LMBR1: variants seen among roughly 807,000 people sequenced by gnomAD.
LMBR1 encodes limb development membrane protein 1.
In LMBR1, 52 loss-of-function variants were observed where a neutral mutation model predicts 73.9. The ratio of observed to expected loss-of-function variants is 0.70; its 90% CI spans 0.56 to 0.89. The LOEUF is 0.89. LMBR1 is among the 40% of genes least tolerant of loss of function. The pLI is 0.00. For synonymous variants in LMBR1, 215 were observed against 209.4 expected, an observed-to-expected ratio of 1.03 and a Z score of -0.23; for missense variants, 539 against 579.8, an observed-to-expected ratio of 0.93 and a Z score of 0.72.
At chr7:156,675,684 C>CCA (rs1563103819), downstream of LMBR1, 4 of 1,599,738 alleles carry the variant, frequency 2.5e-6, no homozygotes, top group Non-Finnish European at 1.7e-6. Context: ...CCCGCCCCCG[C>CCA]CTCCTCCTCA....
chr7:156,830,773 T>C (rs573660410), intron 3 of LMBR1, among the ~76,000 whole-genome samples: 3 of 152,340 alleles, frequency 2.0e-5, no homozygotes, highest in Non-Finnish European at 4.4e-5. Flanking sequence ...GGAGCTTTTG[T>C]TAAAGCCCAT....
intron 5 of LMBR1, among the ~76,000 whole-genome samples, chr7:156,782,161 A>C (rs1827245681): frequency 6.6e-6 from 1 of 152,172 alleles, no homozygotes; most frequent in African/African-American, 2.4e-5. Context: ...TTCCTTCTTT[A>C]GGGCTGAATA....
chr7:156,704,549 C>T (rs1810494018), intron 15 of LMBR1, among the ~76,000 whole-genome samples: 1 of 149,792 alleles, frequency 6.7e-6, no homozygotes, highest in African/African-American at 2.5e-5. Context: ...AAAGCCAAGG[C>T]AATATGACAC....
chr7:156,732,066 G>A (rs1201338246), intron 10 of LMBR1, among the ~76,000 whole-genome samples: 1 of 151,810 alleles, frequency 6.6e-6, no homozygotes, highest in Admixed American at 6.6e-5. Flanking sequence ...ATTATTAACA[G>A]AAATGAAAAT....
At chr7:156,676,706 A>G, downstream of LMBR1, 2 of 1,393,364 alleles carry the variant, frequency 1.4e-6, no homozygotes, top group Non-Finnish European at 2.0e-6. Flanking sequence ...GTTTACCATC[A>G]TTTTGGATGA....
At chr7:156,863,026 C>CA (rs756957620) in intron 1 of LMBR1, among the ~76,000 whole-genome samples, 5 of 152,240 alleles carry the variant, frequency 3.3e-5, no homozygotes, top group Non-Finnish European at 5.9e-5. Flanking sequence ...TATATATGTA[C>CA]AAATCCCATT....
At chr7:156,833,344 A>G (rs1837016777) in intron 3 of LMBR1, 1 of 161,908 alleles carries the variant, frequency 6.2e-6, no homozygotes, top group East Asian at 1.9e-4. Context: ...CGGTGTACAT[A>G]AGGAACCTAC....
chr7:156,735,340 C>T (rs996612736), intron 9 of LMBR1, among the ~76,000 whole-genome samples: 3 of 152,096 alleles, frequency 2.0e-5, no homozygotes, highest in African/African-American at 7.2e-5. Context: ...ATGTTTTCTT[C>T]CTGTTACTTT....
At chr7:156,740,118 G>A (rs1029754179) in intron 9 of LMBR1, among the ~76,000 whole-genome samples, 18 of 152,030 alleles carry the variant, frequency 1.2e-4, no homozygotes, top group Non-Finnish European at 1.8e-4. Context: ...ACTGAAGAAT[G>A]CATCAGTCTC....
chr7:156,835,084 G>A (rs1340158913), intron 2 of LMBR1, among the ~76,000 whole-genome samples: 1 of 152,052 alleles, frequency 6.6e-6, no homozygotes, highest in Admixed American at 6.5e-5. Context: ...AGGTTGCAGT[G>A]AGCCGAGATC....
chr7:156,713,629 G>A (rs1320733883), intron 15 of LMBR1, among the ~76,000 whole-genome samples: 6 of 152,120 alleles, frequency 3.9e-5, no homozygotes, highest in African/African-American at 9.7e-5. Flanking sequence ...AGGGGAACAC[G>A]AGCGGAGTCT....
intron 2 of LMBR1, chr7:156,834,608 A>AT (rs1034921984): frequency 8.3e-5 from 19 of 227,610 alleles, no homozygotes; most frequent in African/African-American, 4.1e-4. Flanking sequence ...ATCTCAAAAA[A>AT]AAAATTGTAT....
At chr7:156,751,699 G>A (rs1030568453) in intron 9 of LMBR1, among the ~76,000 whole-genome samples, 3 of 152,216 alleles carry the variant, frequency 2.0e-5, no homozygotes, top group Non-Finnish European at 2.9e-5. Context: ...CAGCTTTGCA[G>A]AAGGAATCCA....
At chr7:156,768,384 A>G (rs1184973598) in intron 5 of LMBR1, among the ~76,000 whole-genome samples, 1 of 152,208 alleles carries the variant, frequency 6.6e-6, no homozygotes, top group Middle Eastern at 3.2e-3. Flanking sequence ...AAGTAAATAA[A>G]TAAATACAAC....
At position 156,883,027 on chromosome 7, in the gene LMBR1, T is replaced by G. The variant is rs575528613; in HGVS notation, c.66+9901A>C. Among the ~76,000 whole-genome samples, 127 of 146,128 alleles carry G rather than the reference T, an allele frequency of 8.7e-4. 2 individuals are homozygous for G. In the East Asian group the frequency reaches 0.022, roughly 25 times the overall value. Reference sequence around the variant, plus strand: ...GCCTGGGCAACAGACAGTACGAGACTCTGACTGAAAAAAAAAATTTTTTGT... The same window carrying G: ...GCCTGGGCAACAGACAGTACGAGACGCTGACTGAAAAAAAAAATTTTTTGT... On this transcript the variant is annotated intron_variant, in intron 1 of 16. Coordinates refer to ENST00000353442, the MANE Select transcript of LMBR1 (RefSeq NM_022458.4).
At chr7:156,812,607 C>T (rs908046350) in intron 4 of LMBR1, among the ~76,000 whole-genome samples, 14 of 152,138 alleles carry the variant, frequency 9.2e-5, no homozygotes, top group Non-Finnish European at 2.9e-5. Flanking sequence ...CCCGGGGCCT[C>T]CAATGAGGAA....
chr7:156,723,879 T>C (rs1815142648), intron 15 of LMBR1, among the ~76,000 whole-genome samples: 1 of 152,104 alleles, frequency 6.6e-6, no homozygotes, highest in African/African-American at 2.4e-5. Flanking sequence ...ACCAGCCCGT[T>C]GTTTGGAGAA....
At chr7:156,696,933 G>A (rs1808406610) in intron 15 of LMBR1, among the ~76,000 whole-genome samples, 4 of 152,302 alleles carry the variant, frequency 2.6e-5, no homozygotes, top group Middle Eastern at 6.8e-3. Flanking sequence ...TTCTGCCTAT[G>A]AGCCTGAAAA....
intron 10 of LMBR1, among the ~76,000 whole-genome samples, chr7:156,732,479 T>C (rs528987537): frequency 1.3e-5 from 2 of 152,150 alleles, no homozygotes; most frequent in Non-Finnish European, 2.9e-5. Context: ...TCCAAGGATC[T>C]GCAAAGAGTC....
Sources: allele counts gnomAD v4.1 joint callset (sites outside exome capture counted in the v4.1 genomes callset), GRCh38; gene constraint gnomAD v4.1.1; transcripts MANE v1.5; gene names NCBI Gene and HGNC (gene_info 2026-07-23, HGNC 2026-07-21).